The following PACRG variants were observed in gnomAD, a reference collection of about 807,000 sequenced individuals.
PACRG encodes parkin coregulated gene protein.
Under a neutral mutation model 29.7 loss-of-function variants are expected in PACRG, and 29 were observed. The ratio of observed to expected loss-of-function variants is 0.98; its 90% CI spans 0.73 to 1.33. The LOEUF is 1.33. PACRG is among the 40% of genes most tolerant of loss of function. The pLI is 0.00. For missense variants in PACRG, 279 were observed against 316.2 expected, an observed-to-expected ratio of 0.88 and a Z score of 0.89; for synonymous variants, 116 against 118.7, an observed-to-expected ratio of 0.98 and a Z score of 0.15.
At chr6:163,265,224 C>T (rs1783483963) in intron 4 of PACRG, among the ~76,000 whole-genome samples, 1 of 152,204 alleles carries the variant, frequency 6.6e-6, no homozygotes, top group African/African-American at 2.4e-5. Context: ...CCCTGATAGG[C>T]TTACAGGAAG....
At chr6:163,309,178 C>T (rs1585418599) in intron 4 of PACRG, among the ~76,000 whole-genome samples, 1 of 152,332 alleles carries the variant, frequency 6.6e-6, no homozygotes, top group Admixed American at 6.5e-5. Flanking sequence ...TTCACTCAAG[C>T]GCCATGTGTG....
intron 2 of PACRG, among the ~76,000 whole-genome samples, chr6:162,875,166 CACAG>C (rs1240376684): frequency 2.9e-4 from 44 of 151,716 alleles, no homozygotes; most frequent in Admixed American, 2.0e-3. Context: ...CAGATGCACA[CACAG>C]ACATTCATAC....
intron 4 of PACRG, among the ~76,000 whole-genome samples, chr6:163,138,364 C>T (rs1300104796): frequency 1.3e-5 from 2 of 152,042 alleles, no homozygotes; most frequent in African/African-American, 2.4e-5. Flanking sequence ...ATGGACAATC[C>T]GTCAGTGTGA....
At chr6:162,910,565 C>A (rs74447557) in intron 2 of PACRG, among the ~76,000 whole-genome samples, 7,924 of 151,892 alleles carry the variant, frequency 0.052, 265 homozygotes, top group Non-Finnish European at 0.074. Context: ...TGAAAAAAAA[C>A]CACAAAAACC....
rs532423846 is a variant in PACRG, at chr6:163,117,225, C to T, written c.613+27817C>T. On this transcript the variant is annotated intron_variant, in intron 4 of 4. Transcript: ENST00000366888. ...AGAGCATCACAGTGGAACTCCCAGT[C>T]ACACTTGTGAATGTGGAACCCTTCT... Among the ~76,000 whole-genome samples the T allele has an allele frequency of 6.6e-5, 10 of 152,344 alleles. No homozygotes were observed. The East Asian group carries it at 1.5e-3, about 23-fold the overall frequency.
chr6:163,251,124 G>A (rs1782886935), intron 4 of PACRG, among the ~76,000 whole-genome samples: 1 of 151,798 alleles, frequency 6.6e-6, no homozygotes, highest in East Asian at 1.9e-4. Flanking sequence ...GAGTGGGAGG[G>A]GTCAGGGATA....
chr6:163,048,362 AT>A (rs1446038138), intron 2 of PACRG, among the ~76,000 whole-genome samples: 1 of 152,210 alleles, frequency 6.6e-6, no homozygotes, highest in Non-Finnish European at 1.5e-5. Context: ...CAAAAGTTTT[AT>A]CTGCATCTAT....
At chr6:163,268,358 C>T (rs1190954588) in intron 4 of PACRG, among the ~76,000 whole-genome samples, 1 of 151,002 alleles carries the variant, frequency 6.6e-6, no homozygotes, top group Non-Finnish European at 1.5e-5. Flanking sequence ...GCCAAGAATG[C>T]ACCACTGCAC....
intron 4 of PACRG, among the ~76,000 whole-genome samples, chr6:163,195,491 C>T (rs1780410964): frequency 6.6e-6 from 1 of 152,108 alleles, no homozygotes; most frequent in Non-Finnish European, 1.5e-5. Flanking sequence ...CTTCCCTTTC[C>T]ACATGGCCCT....
intron 4 of PACRG, among the ~76,000 whole-genome samples, chr6:163,282,605 G>A (rs1362335241): frequency 6.6e-6 from 1 of 151,790 alleles, no homozygotes; most frequent in Non-Finnish European, 1.5e-5. Context: ...CCACCTACTT[G>A]GGAAGCTGAG....
intron 1 of PACRG, among the ~76,000 whole-genome samples, chr6:162,775,500 T>C (rs887717373): frequency 6.6e-6 from 1 of 152,240 alleles, no homozygotes; most frequent in African/African-American, 2.4e-5. Flanking sequence ...TCACAGAACT[T>C]AAATGCCCTT....
At chr6:162,813,293 T>C (rs1787042450) in intron 1 of PACRG, among the ~76,000 whole-genome samples, 1 of 152,062 alleles carries the variant, frequency 6.6e-6, no homozygotes, top group Non-Finnish European at 1.5e-5. Flanking sequence ...AAATGACTAG[T>C]ATTTACCTTT....
chr6:162,946,011 C>T (rs1378194943), intron 2 of PACRG, among the ~76,000 whole-genome samples: 1 of 151,942 alleles, frequency 6.6e-6, no homozygotes, highest in Non-Finnish European at 1.5e-5. Flanking sequence ...ACAGCAAAAG[C>T]ACTGTTCAAA....
In PACRG at chr6:163,194,476, G is replaced by A. The variant is rs184095401; in HGVS notation, c.613+105068G>A. Among the ~76,000 whole-genome samples the A allele has an allele frequency of 2.6e-4, 40 of 152,018 alleles. No homozygotes were observed. In the East Asian group the frequency reaches 4.1e-3, roughly 16 times the overall value. On this transcript the variant is annotated intron_variant, in intron 4 of 4. Transcript: ENST00000366888. ...TGCCTTTCCCAAGGCAGGAAACCCC[G>A]GCGCCTCCAGGCTGGTGGTGTCTGG...
chr6:163,101,454 A>C (rs1156660100), intron 4 of PACRG: 1 of 918,834 alleles, frequency 1.1e-6, no homozygotes, highest in Non-Finnish European at 1.3e-6. Flanking sequence ...AATATGATAA[A>C]CAATCACCTA....
At chr6:163,163,161 G>C (rs140766078) in intron 4 of PACRG, among the ~76,000 whole-genome samples, 103 of 152,290 alleles carry the variant, frequency 6.8e-4, no homozygotes, top group African/African-American at 2.3e-3. Context: ...GTACACCACC[G>C]GGGATGTGGC....
chr6:162,958,643 A>T (rs970160213), intron 2 of PACRG, among the ~76,000 whole-genome samples: 5 of 151,840 alleles, frequency 3.3e-5, no homozygotes, highest in African/African-American at 7.3e-5. Flanking sequence ...GACACTAAGG[A>T]TAAAGCAGCA....
At chr6:162,767,957 GT>G (rs1311338930) in intron 1 of PACRG, among the ~76,000 whole-genome samples, 1 of 151,926 alleles carries the variant, frequency 6.6e-6, no homozygotes. Flanking sequence ...ATTAATCTGT[GT>G]TTTTCACTAT....
intron 4 of PACRG, among the ~76,000 whole-genome samples, chr6:163,288,968 G>A (rs1784488195): frequency 1.3e-5 from 2 of 152,192 alleles, no homozygotes; most frequent in African/African-American, 4.8e-5. Flanking sequence ...GAGATCAGAA[G>A]GTCGTGCCCA....
Sources: allele counts gnomAD v4.1 joint callset (sites outside exome capture counted in the v4.1 genomes callset), GRCh38; gene constraint gnomAD v4.1.1; transcripts MANE v1.5; gene names NCBI Gene and HGNC (gene_info 2026-07-23, HGNC 2026-07-21).